The following U2SURP variants were observed in gnomAD, a reference collection of about 807,000 sequenced individuals.
U2SURP encodes the protein U2 snRNP associated SURP domain containing.
U2SURP carries 9 observed loss-of-function variants against 144.9 expected under a neutral mutation model. That is an observed-to-expected ratio of 0.06 (90% CI 0.04 to 0.11). The LOEUF (loss-of-function observed/expected upper bound fraction) is 0.11, where lower values mean the gene tolerates loss of function less well. Ranked by LOEUF, U2SURP falls within the 10% of genes least tolerant of loss-of-function variation. U2SURP has a pLI of 1.00. For missense variants in U2SURP, 724 were observed against 1,226.7 expected, an observed-to-expected ratio of 0.59 and a Z score of 6.12; for synonymous variants, 408 against 396.8, an observed-to-expected ratio of 1.03 and a Z score of -0.33.
intron 4 of U2SURP, among the ~76,000 whole-genome samples, chr3:143,015,472 T>C (rs1936327159): frequency 6.6e-6 from 1 of 152,080 alleles, no homozygotes; most frequent in South Asian, 2.1e-4. Flanking sequence ...AATTTCCTCA[T>C]GTTTTCCTCT....
chr3:143,028,427 TG>T, intron 15 of U2SURP, 21 bp downstream of exon 15: 1 of 1,611,160 alleles, frequency 6.2e-7, no homozygotes, highest in Non-Finnish European at 8.5e-7. Flanking sequence ...TCAATTACTT[TG>T]TTAATTTTGA....
rs145531923 is a variant in U2SURP, at chr3:143,043,280, G to A, written c.2544+4G>A. 1.3e-6 allele frequency: 2 copies of A among 1,588,538 alleles called. No homozygotes were observed. The highest frequency in any genetic ancestry group is 1.8e-5 in the Admixed American group (1 of 54,774). On this transcript the variant is annotated splice_donor_region_variant and intron_variant, in intron 24 of 27. Coordinates refer to ENST00000473835, the MANE Select transcript of U2SURP (RefSeq NM_001080415.2). ...AGCCAAACTTCGTGAAATTGAGGTT[G>A]GTGTTGCAGTGAAACTTAAATTACA...
chr3:143,055,728 TC>T (rs1935117263), intron 27 of U2SURP, among the ~76,000 whole-genome samples: 1 of 152,190 alleles, frequency 6.6e-6, no homozygotes, highest in Non-Finnish European at 1.5e-5. Flanking sequence ...TTTCTCCTTT[TC>T]TAAATGGCAC....
At position 143,012,302 on chromosome 3, in the gene U2SURP, T is replaced by C; in HGVS notation, c.171T>C (p.Asn57=). ...PKSPRKHNYR[N]ESARESLCDS... ...GCCCAAGAAAACATAATTATAGGAA[T>C]GAAAGTGCCCGTGAAAGCCTTTGTG... The change falls in exon 3 of 28, where the codon AAT becomes AAC. Residue 57 remains asparagine, a synonymous_variant. Coordinates refer to ENST00000473835, the MANE Select transcript of U2SURP (RefSeq NM_001080415.2). 8 of 1,613,342 alleles carry C rather than the reference T, an allele frequency of 5.0e-6. No homozygotes were observed. The highest frequency in any genetic ancestry group is 6.8e-6 in the Non-Finnish European group (8 of 1,179,466).
At chr3:143,020,470 G>A (rs376411360) in intron 7 of U2SURP, 129 bp from the exon 8 acceptor site, 31 of 658,790 alleles carry the variant, frequency 4.7e-5, no homozygotes, top group East Asian at 3.6e-4. Flanking sequence ...TCTAATCTTG[G>A]TTATCAGTAC....
chr3:143,003,350 A>G (rs900511392), intron 1 of U2SURP, among the ~76,000 whole-genome samples: 1 of 152,202 alleles, frequency 6.6e-6, no homozygotes, highest in Non-Finnish European at 1.5e-5. Flanking sequence ...AATTTTGTTA[A>G]CAAGAGATTT....
intron 23 of U2SURP, among the ~76,000 whole-genome samples, chr3:143,039,902 A>G (rs531067409): frequency 6.6e-6 from 1 of 151,874 alleles, no homozygotes; most frequent in South Asian, 2.1e-4. Flanking sequence ...CAAGTCAGCA[A>G]TGATGATGAC....
chr3:143,024,677 A>G (rs776935204), intron 13 of U2SURP: 7 of 222,872 alleles, frequency 3.1e-5, no homozygotes, highest in African/African-American at 4.7e-5. Context: ...ACACAGGAAC[A>G]CAACACTGGT....
Position 143,013,022 on chromosome 3 carries a change from G to T in U2SURP, c.222+669G>T, listed in dbSNP as rs746537471. Among the ~76,000 whole-genome samples, 3 of 151,856 alleles carry T rather than the reference G, an allele frequency of 2.0e-5. No individual in the cohort carries two copies. The South Asian group carries it at 6.2e-4, about 31-fold the overall frequency. ...CCTAGATTTATTTTTATAAGAATCCGTTTTAAAATATCCTGTTTTTAGTTA... is the reference window on the plus strand; with the variant it reads ...CCTAGATTTATTTTTATAAGAATCCTTTTTAAAATATCCTGTTTTTAGTTA... On this transcript the variant is annotated intron_variant, in intron 3 of 27. Coordinates refer to ENST00000473835, the MANE Select transcript of U2SURP (RefSeq NM_001080415.2).
chr3:143,013,104 A>T (rs1041780259), intron 3 of U2SURP, among the ~76,000 whole-genome samples: 1 of 151,994 alleles, frequency 6.6e-6, no homozygotes, highest in African/African-American at 2.4e-5. Context: ...ATGATTGCTT[A>T]TATTGTTTAT....
In U2SURP at chr3:143,054,964, C is replaced by T; in HGVS notation, c.2796C>T (p.Ser932=). ...RKERKRRHST[S]PSPSRSSSGR... Reference sequence around the variant, plus strand: ...ATAGGAAGAGGCGACACAGTACATCCCCCAGCCCATCTCGCAGTAGCAGTG... The same window carrying T: ...ATAGGAAGAGGCGACACAGTACATCTCCCAGCCCATCTCGCAGTAGCAGTG... Residue 932 remains serine, a synonymous_variant, in exon 27 of 28, where the codon TCC becomes TCT. Coordinates refer to ENST00000473835, the MANE Select transcript of U2SURP (RefSeq NM_001080415.2). The T allele has an allele frequency of 1.2e-6, 2 of 1,608,608 alleles. No individual in the cohort carries two copies. Among genetic ancestry groups the T allele is most frequent in the South Asian group, 1.1e-5 (1 of 89,614 alleles).
intron 2 of U2SURP, 85 bp downstream of exon 2, chr3:143,010,944 G>T: frequency 9.8e-7 from 1 of 1,017,472 alleles, no homozygotes; most frequent in East Asian, 2.6e-5. Context: ...GATTTTACTT[G>T]ACAAATAAAT....
rs1936345228 is a variant in U2SURP at position 143,015,803 on chromosome 3, A to C, written c.322-454A>C. ...ATTCTTCTGAGCTTTCTTTATATCA[A>C]GATTCTTCTGAGCTTTCCTTAATGC... is the stretch of plus-strand genomic sequence containing the variant. On this transcript the variant is annotated intron_variant, in intron 4 of 27. Transcript: ENST00000473835. Among the ~76,000 whole-genome samples, 3 of 152,098 alleles carry C rather than the reference A, an allele frequency of 2.0e-5. No homozygotes were observed. In the South Asian group the frequency reaches 6.2e-4, roughly 31 times the overall value.
In U2SURP at chr3:143,059,595, CTG is replaced by C. The variant is rs1188488583; in HGVS notation, c.*3147_*3148del. 1.3e-5 allele frequency: 2 copies of C among 151,880 alleles called. No homozygotes were observed. The highest frequency in any genetic ancestry group is 2.9e-5 in the Non-Finnish European group (2 of 67,818). 9.4% of individuals were successfully genotyped at this position (151,880 alleles called of 1,614,324 possible). On this transcript the variant is annotated 3_prime_UTR_variant, in exon 28 of 28. Transcript: ENST00000473835. ...ATTCAAAATAAGGGTAAATAAATCT[CTG>C]TATTGCCAAAGTGACTTAAACTGTT...
Position 143,015,163 on chromosome 3 carries a change from T to C in U2SURP, c.321+754T>C, listed in dbSNP as rs562630983. Among the ~76,000 whole-genome samples, 4 of 152,236 alleles carry C rather than the reference T, an allele frequency of 2.6e-5. No homozygotes were observed. The South Asian group carries it at 6.2e-4, about 24-fold the overall frequency. ...AGAGGACTTTTGCCAATCTCCTACA[T>C]GAAAAATGGTATCTCAGTGTAGTTT... On this transcript the variant is annotated intron_variant, in intron 4 of 27. Coordinates refer to ENST00000473835, the MANE Select transcript of U2SURP (RefSeq NM_001080415.2).
intron 24 of U2SURP, among the ~76,000 whole-genome samples, chr3:143,045,602 A>G (rs1255217244): frequency 6.6e-6 from 1 of 152,070 alleles, no homozygotes; most frequent in East Asian, 1.9e-4. Flanking sequence ...TATTCTTTCC[A>G]CCTTGTATAC....
Position 143,036,077 on chromosome 3 carries a change from A to C in U2SURP, c.2037A>C (p.Val679=). Residue 679 remains valine (V), a synonymous_variant, in exon 20 of 28, where the codon GTA becomes GTC. Coordinates refer to ENST00000473835, the MANE Select transcript of U2SURP (RefSeq NM_001080415.2). The part of the protein sequence containing the change: ...IKLQNIFLGL[V]NIIEEKETED... ...TACAAAATATTTTCTTAGGACTTGTAAATATTATTGAAGAAAAGGAAACAG... is the reference window on the plus strand; with the variant it reads ...TACAAAATATTTTCTTAGGACTTGTCAATATTATTGAAGAAAAGGAAACAG... 1 of 1,607,716 alleles carries C rather than the reference A, an allele frequency of 6.2e-7. No homozygotes were observed. The highest frequency in any genetic ancestry group is 8.5e-7 in the Non-Finnish European group (1 of 1,178,046).
At chr3:143,005,610 G>A (rs1346024752) in intron 1 of U2SURP, among the ~76,000 whole-genome samples, 1 of 152,158 alleles carries the variant, frequency 6.6e-6, no homozygotes, top group Admixed American at 6.5e-5. Flanking sequence ...CCTGCAGCAC[G>A]GGTGCTAGAA....
chr3:143,014,394 A>G lies in U2SURP; in HGVS notation c.306A>G (p.Glu102=), dbSNP rs528344883. The change falls in exon 4 of 28, where the codon GAA becomes GAG. Residue 102 remains glutamate, a synonymous_variant. Coordinates refer to ENST00000473835, the MANE Select transcript of U2SURP (RefSeq NM_001080415.2). ...GAACTTTAAGTAAAAAGGAACAGGAAGAATTAAAGAAAAAGGTAATGTTGA... is the reference window on the plus strand; with the variant it reads ...GAACTTTAAGTAAAAAGGAACAGGAGGAATTAAAGAAAAAGGTAATGTTGA... ...AKRTLSKKEQ[E]ELKKKEDEKA... 2.5e-6 allele frequency: 4 copies of G among 1,600,750 alleles called. No homozygotes were observed. In the East Asian group the frequency reaches 6.7e-5, roughly 27 times the overall value.
Sources: allele counts gnomAD v4.1 joint callset (sites outside exome capture counted in the v4.1 genomes callset), GRCh38; gene constraint gnomAD v4.1.1; transcripts MANE v1.5; gene names NCBI Gene and HGNC (gene_info 2026-07-23, HGNC 2026-07-21).